PLOD1: variants seen among roughly 807,000 people sequenced by gnomAD.
The protein encoded by PLOD1 is procollagen-lysine,2-oxoglutarate 5-dioxygenase 1.
A neutral mutation model predicts 94.7 loss-of-function variants in PLOD1; 70 were observed. The ratio of observed to expected loss-of-function variants is 0.74; its 90% CI spans 0.61 to 0.90. The LOEUF is 0.90. Among genes scored for constraint, PLOD1 ranks in the 40% least tolerant of loss-of-function variants. PLOD1 has a pLI of 0.00. For synonymous variants in PLOD1, 417 were observed against 400.2 expected, an observed-to-expected ratio of 1.04 and a Z score of -0.50; for missense variants, 905 against 972.7, an observed-to-expected ratio of 0.93 and a Z score of 0.93.
At chr1:11,950,806 A>C (rs1281366451) in intron 4 of PLOD1, among the ~76,000 whole-genome samples, 1 of 151,652 alleles carries the variant, frequency 6.6e-6, no homozygotes, top group Admixed American at 6.6e-5. Flanking sequence ...CTACTTTTTA[A>C]ATTTTGAGAC....
At chr1:11,955,212 C>T (rs1645730120) in intron 6 of PLOD1, among the ~76,000 whole-genome samples, 1 of 152,360 alleles carries the variant, frequency 6.6e-6, no homozygotes. Flanking sequence ...GCCCTCCCAC[C>T]TTCCAGGTGA....
intron 1 of PLOD1, 92 bp downstream of exon 1, chr1:11,934,947 C>A: frequency 6.9e-7 from 1 of 1,439,898 alleles, no homozygotes; most frequent in Non-Finnish European, 9.2e-7. Flanking sequence ...AATGGGAGGC[C>A]TGGGCTGGAG....
intron 1 of PLOD1, among the ~76,000 whole-genome samples, chr1:11,946,731 C>T (rs1019799104): frequency 6.6e-6 from 1 of 152,052 alleles, no homozygotes; most frequent in South Asian, 2.1e-4. Flanking sequence ...CTCCTGTCTA[C>T]AGCACATGCT....
At chr1:11,973,067 C>T (rs1238468191) in intron 18 of PLOD1, 70 bp downstream of exon 18, 1 of 1,590,712 alleles carries the variant, frequency 6.3e-7, no homozygotes, top group Non-Finnish European at 8.6e-7. Flanking sequence ...GGAGAGGCTT[C>T]AGGGTGGTTG....
chr1:11,948,601 G>A (rs116652082), intron 2 of PLOD1, among the ~76,000 whole-genome samples: 12,434 of 151,988 alleles, frequency 0.082, 604 homozygotes, highest in South Asian at 0.13. Context: ...ATGATGGCAC[G>A]CACCTGTAAT....
intron 10 of PLOD1, among the ~76,000 whole-genome samples, chr1:11,961,376 C>G (rs576439007): frequency 2.0e-5 from 3 of 152,272 alleles, no homozygotes; most frequent in African/African-American, 7.2e-5. Context: ...AGAGCGAGAC[C>G]TTGTCTCATA....
intron 10 of PLOD1, among the ~76,000 whole-genome samples, chr1:11,962,934 G>C (rs184053753): frequency 2.2e-4 from 33 of 152,166 alleles, no homozygotes; most frequent in African/African-American, 7.5e-4. Context: ...CCAGCTACTT[G>C]GGAGGCAGAG....
In PLOD1 at chr1:11,963,035, G is replaced by A. The variant is rs375502207; in HGVS notation, c.1098-497G>A. 2.0e-5 allele frequency among the ~76,000 whole-genome samples: 3 copies of A among 151,200 alleles called. No homozygotes were observed. The East Asian group carries it at 5.8e-4, about 29-fold the overall frequency. On this transcript the variant is annotated intron_variant, in intron 10 of 18. Coordinates refer to ENST00000196061, the MANE Select transcript of PLOD1 (RefSeq NM_000302.4). This position sits in a 1 kb window ranked among gnomAD's most constrained non-coding sequence, Gnocchi z 4.3. ...CAGCCTGGGCAACAGAGTGAGACTC[G>A]TTCTCAAAAAAATAAAATAAAATAA...
At position 11,963,206 on chromosome 1, in the gene PLOD1, A is replaced by T. The variant is rs1645791105; in HGVS notation, c.1098-326A>T. Among the ~76,000 whole-genome samples, 1 of 152,206 alleles carries T rather than the reference A, an allele frequency of 6.6e-6. No homozygotes were observed. Among genetic ancestry groups the T allele is most frequent in the African/African-American group, 2.4e-5 (1 of 41,458 alleles). On this transcript the variant is annotated intron_variant, in intron 10 of 18. Transcript: ENST00000196061. This position sits in a 1 kb window ranked among gnomAD's most constrained non-coding sequence, Gnocchi z 4.3. ...AACACAGATTTTTAAGGCTTTTGGT[A>T]CAAGTTACCAAATTGCATTTCAGAA...
chr1:11,936,892 G>C (rs1285052924), intron 1 of PLOD1, among the ~76,000 whole-genome samples: 1 of 147,762 alleles, frequency 6.8e-6, no homozygotes, highest in Non-Finnish European at 1.5e-5. Flanking sequence ...CCGTTGCCCA[G>C]GCTGGAGTCC....
chr1:11,948,168 G>A, intron 2 of PLOD1, 101 bp downstream of exon 2: 1 of 847,386 alleles, frequency 1.2e-6, no homozygotes, highest in Non-Finnish European at 2.1e-6. Context: ...GATAGACTTG[G>A]GGCCACAGGG....
chr1:11,946,051 A>AT (rs1569678076), intron 1 of PLOD1, among the ~76,000 whole-genome samples: 1 of 152,070 alleles, frequency 6.6e-6, no homozygotes, highest in Admixed American at 6.6e-5. Context: ...CCCAATAAAG[A>AT]TTTTACATGC....
At chr1:11,935,990 A>G (rs1645575892) in intron 1 of PLOD1, among the ~76,000 whole-genome samples, 1 of 151,842 alleles carries the variant, frequency 6.6e-6, no homozygotes, top group South Asian at 2.1e-4. Flanking sequence ...CACCATGCCC[A>G]GCTAATTTTT....
rs772958427 is a variant in PLOD1 at position 11,944,575 on chromosome 1, G to A, written c.77-3401G>A. Reference sequence around the variant, plus strand: ...TGGTGGCTCTGGTTCTCTTCACCTGGGGAGAGACTTCACCGTCCTGGCAGG... The same window carrying A: ...TGGTGGCTCTGGTTCTCTTCACCTGAGGAGAGACTTCACCGTCCTGGCAGG... On this transcript the variant is annotated intron_variant, in intron 1 of 18. Coordinates refer to ENST00000196061, the MANE Select transcript of PLOD1 (RefSeq NM_000302.4). 12 of 1,358,788 alleles carry A rather than the reference G, an allele frequency of 8.8e-6. No individual in the cohort carries two copies. The Admixed American group carries it at 9.7e-5, about 11-fold the overall frequency. The allele number at this position is 1,358,788 out of a possible 1,614,324, so 84.2% of individuals were successfully genotyped here.
At chr1:11,949,983 A>C in intron 3 of PLOD1, 77 bp downstream of exon 3, 2 of 1,473,030 alleles carry the variant, frequency 1.4e-6, no homozygotes, top group East Asian at 4.5e-5. Context: ...GCCCTCCCAG[A>C]ACATCGGGGA....
intron 6 of PLOD1, 130 bp downstream of exon 6, chr1:11,955,023 C>G (rs1645728881): frequency 2.8e-6 from 2 of 713,466 alleles, no homozygotes; most frequent in Admixed American, 2.3e-5. Flanking sequence ...TCACTGGCCT[C>G]ATCCCCAGGT....
At chr1:11,973,671 C>T (rs1645882184) in intron 18 of PLOD1, among the ~76,000 whole-genome samples, 3 of 151,752 alleles carry the variant, frequency 2.0e-5, no homozygotes, top group African/African-American at 7.3e-5. Flanking sequence ...CCTCAACCTC[C>T]TGGGCCCAAG....
intron 4 of PLOD1, among the ~76,000 whole-genome samples, chr1:11,952,083 G>A (rs1645707040): frequency 6.6e-6 from 1 of 152,228 alleles, no homozygotes; most frequent in Non-Finnish European, 1.5e-5. Context: ...GCACAGTCCA[G>A]ATGGCCTTGC....
intron 18 of PLOD1, 54 bp downstream of exon 18, chr1:11,973,051 A>G (rs2100767203): frequency 1.2e-6 from 2 of 1,608,458 alleles, no homozygotes; most frequent in Non-Finnish European, 8.5e-7. Flanking sequence ...GAGGAGGGCT[A>G]GCTGAGGAGA....
Sources: allele counts gnomAD v4.1 joint callset (sites outside exome capture counted in the v4.1 genomes callset), GRCh38; gene constraint gnomAD v4.1.1; non-coding constraint Gnocchi (gnomAD v3.1); transcripts MANE v1.5; gene names NCBI Gene and HGNC (gene_info 2026-07-23, HGNC 2026-07-21).